Variants in BCL2L11 observed in about 807,000 individuals in gnomAD.
BCL2L11 encodes the protein bcl-2-like protein 11.
A neutral mutation model predicts 20.6 loss-of-function variants in BCL2L11; 15 were observed. The ratio of observed to expected loss-of-function variants is 0.73; its 90% CI spans 0.49 to 1.12. The LOEUF is 1.12. BCL2L11 is among the 50% of genes most tolerant of loss of function. The probability of loss-of-function intolerance (pLI) is 0.00; values close to 1 mark genes in which losing one functional copy is unlikely to be tolerated. For missense variants in BCL2L11, 292 were observed against 260.9 expected (o/e 1.12, Z -0.82); for synonymous variants, 108 against 92.8 (o/e 1.16, Z -0.94).
chr2:111,143,419 G>A (rs2076107097), intron 2 of BCL2L11, among the ~76,000 whole-genome samples: 1 of 152,124 alleles, frequency 6.6e-6, no homozygotes, highest in Non-Finnish European at 1.5e-5. Flanking sequence ...TTTAGGACCA[G>A]GTTTGGCACA....
intron 3 of BCL2L11, chr2:111,161,618 C>T (rs1367657685): frequency 6.8e-7 from 1 of 1,477,572 alleles, no homozygotes; most frequent in Non-Finnish European, 9.0e-7. Context: ...CAGCTCCTGG[C>T]TCAGTCTTAG....
At chr2:111,123,704 A>G in intron 1 of BCL2L11, 29 bp from the exon 2 acceptor site, 1 of 1,391,958 alleles carries the variant, frequency 7.2e-7, no homozygotes, top group Non-Finnish European at 9.4e-7. Context: ...TTTTGCTTAA[A>G]ATAATCTTAG....
intron 2 of BCL2L11, 126 bp downstream of exon 2, chr2:111,124,265 T>A (rs1418376554): frequency 8.6e-7 from 1 of 1,161,378 alleles, no homozygotes; most frequent in Non-Finnish European, 1.2e-6. Context: ...TAGATGGGAA[T>A]GGAGGATGTG....
intron 2 of BCL2L11, among the ~76,000 whole-genome samples, chr2:111,136,598 G>A (rs1212053012): frequency 1.3e-5 from 2 of 152,202 alleles, no homozygotes; most frequent in Non-Finnish European, 2.9e-5. Context: ...ATTCTGGAGG[G>A]TGATAAGTAC....
At chr2:111,144,548 G>A in intron 2 of BCL2L11, 1 of 1,549,266 alleles carries the variant, frequency 6.5e-7, no homozygotes, top group Middle Eastern at 1.7e-4. Flanking sequence ...ACATAAGGGG[G>A]CTGGTCTGTT....
At chr2:111,159,315 C>T (rs1316669318) in intron 3 of BCL2L11, among the ~76,000 whole-genome samples, 3 of 152,234 alleles carry the variant, frequency 2.0e-5, no homozygotes, top group Non-Finnish European at 4.4e-5. Flanking sequence ...CCTCTGTAGT[C>T]ACTGGCTGCA....
At chr2:111,134,069 G>A (rs1467589814) in intron 2 of BCL2L11, among the ~76,000 whole-genome samples, 1 of 150,530 alleles carries the variant, frequency 6.6e-6, no homozygotes, top group Non-Finnish European at 1.5e-5. Flanking sequence ...TTGTATTTGA[G>A]ATAAGTTTTT....
intron 2 of BCL2L11, among the ~76,000 whole-genome samples, chr2:111,146,753 T>G (rs1249631617): frequency 6.6e-6 from 1 of 152,230 alleles, no homozygotes; most frequent in Non-Finnish European, 1.5e-5. Context: ...ATTTTGTCAC[T>G]TAAGAAATAA....
At position 111,167,175 on chromosome 2, in the gene BCL2L11, A is replaced by C. The variant is rs916065875; in HGVS notation, c.*2944A>C. ...TCTCCCACTCCCCTGCCGTCCCATG[A>C]AGTTAACTCCTGAGAGTTGTCGGGG... On this transcript the variant is annotated 3_prime_UTR_variant, in exon 4 of 4. Transcript: ENST00000393256. The C allele has an allele frequency of 6.6e-6, 1 of 152,538 alleles. No homozygotes were observed. Among genetic ancestry groups the C allele is most frequent in the African/African-American group, 2.4e-5 (1 of 41,446 alleles). The allele number at this position is 152,538 out of a possible 1,614,324, so 9.4% of individuals were successfully genotyped here.
chr2:111,157,829 C>T (rs2150562004), intron 3 of BCL2L11, among the ~76,000 whole-genome samples: 1 of 152,336 alleles, frequency 6.6e-6, no homozygotes, highest in African/African-American at 2.4e-5. Context: ...CACATTGTCA[C>T]CATAGCAGAT....
chr2:111,158,553 G>GTA (rs1027566831), intron 3 of BCL2L11, among the ~76,000 whole-genome samples: 5 of 150,618 alleles, frequency 3.3e-5, no homozygotes, highest in African/African-American at 4.9e-5. Flanking sequence ...ATAATTTATA[G>GTA]TATATATATA....
Position 111,120,979 on chromosome 2 carries a change from T to TGCCGCTGCCGCCGCTGCCGCC in BCL2L11, c.-218_-217insTGCCGCCGCTGCCGCCGCCGC. The TGCCGCTGCCGCCGCTGCCGCC allele has an allele frequency of 3.3e-6, 1 of 305,242 alleles. No homozygotes were observed. Among genetic ancestry groups the TGCCGCTGCCGCCGCTGCCGCC allele is most frequent in the Non-Finnish European group, 5.9e-6 (1 of 168,614 alleles). The allele number at this position is 305,242 out of a possible 1,614,324, so 18.9% of individuals were successfully genotyped here. ...GCTCTGCGTCCAGCGCCGCTGCCGC[T>TGCCGCTGCCGCCGCTGCCGCC]GCCGCCGCCGCCGCCGCCGCCGCCG... is the stretch of plus-strand genomic sequence containing the variant. On this transcript the variant is annotated 5_prime_UTR_variant, in exon 1 of 4. Transcript: ENST00000393256.
rs142702921 is a variant in BCL2L11, at chr2:111,141,956, C to T, written c.395-8088C>T. On this transcript the variant is annotated intron_variant, in intron 2 of 3. Transcript: ENST00000393256. ...CCTCAAGTGATGTGCCCACCTCAGC[C>T]TCCCAAAGTGCTAGGATTACAGGCG... Among the ~76,000 whole-genome samples the T allele has an allele frequency of 8.3e-3, 1,265 of 152,260 alleles. 21 individuals are homozygous for T. Among genetic ancestry groups the T allele is most frequent in the African/African-American group, 0.029 (1,219 of 41,540 alleles).
intron 2 of BCL2L11, among the ~76,000 whole-genome samples, chr2:111,134,622 TC>T (rs1349827534): frequency 6.6e-6 from 1 of 152,224 alleles, no homozygotes; most frequent in East Asian, 1.9e-4. Flanking sequence ...CAATGTTCTT[TC>T]CTTTCTGAAG....
chr2:111,147,344 TCTCA>T (rs1272928127), intron 2 of BCL2L11, among the ~76,000 whole-genome samples: 40 of 132,684 alleles, frequency 3.0e-4, no homozygotes, highest in Non-Finnish European at 3.7e-4. Flanking sequence ...TCTCTCTCTC[TCTCA>T]CACACACACA....
intron 2 of BCL2L11, among the ~76,000 whole-genome samples, chr2:111,147,344 TCTCACACACA>T (rs2076667231): frequency 7.5e-6 from 1 of 132,598 alleles, no homozygotes; most frequent in Non-Finnish European, 1.6e-5. Context: ...TCTCTCTCTC[TCTCACACACA>T]CACACACACA....
intron 2 of BCL2L11, chr2:111,145,815 T>G (rs1000920710): frequency 4.8e-5 from 11 of 228,248 alleles, no homozygotes; most frequent in Non-Finnish European, 8.0e-5. Flanking sequence ...GTTCCGGGCT[T>G]CAAAAAATGA....
Position 111,165,273 on chromosome 2 carries a change from TC to T in BCL2L11, c.*1043del. 6.6e-6 allele frequency: 1 copy of T among 152,416 alleles called. No individual in the cohort carries two copies. The highest frequency in any genetic ancestry group is 1.5e-5 in the Non-Finnish European group (1 of 68,088). The allele number at this position is 152,416 out of a possible 1,614,324, so 9.4% of individuals were successfully genotyped here. ...ATGGTCACAGGATGCACTGTCAGCA[TC>T]AGGTCCCAGAGGGCCACCGTGTCCA... On this transcript the variant is annotated 3_prime_UTR_variant, in exon 4 of 4. Transcript: ENST00000393256.
chr2:111,138,924 G>A (rs374590525), intron 2 of BCL2L11, among the ~76,000 whole-genome samples: 3 of 152,108 alleles, frequency 2.0e-5, no homozygotes, highest in Non-Finnish European at 4.4e-5. Context: ...GTAGAAACTC[G>A]CACAGGAATC....
Sources: gnomAD v4.1 joint callset for allele counts (sites outside exome capture counted in the v4.1 genomes callset) on GRCh38, gnomAD v4.1.1 for gene constraint, MANE v1.5 for transcripts, NCBI Gene and HGNC (gene_info 2026-07-23, HGNC 2026-07-21) for gene names.